ZNF616: variants seen among roughly 807,000 people sequenced by gnomAD.
ZNF616 encodes the protein zinc finger protein 616.
ZNF616 carries 5 observed loss-of-function variants against 7.6 expected under a neutral mutation model. The ratio of observed to expected loss-of-function variants is 0.66; its 90% CI spans 0.34 to 1.38. ZNF616 has a LOEUF of 1.38. ZNF616 is among the 40% of genes most tolerant of loss of function. ZNF616 has a pLI of 0.04. For synonymous variants in ZNF616, 319 were observed against 317.2 expected (o/e 1.01, Z -0.06); for missense variants, 913 against 948.3 (o/e 0.96, Z 0.49).
intron 1 of ZNF616, among the ~76,000 whole-genome samples, chr19:52,137,873 G>C (rs538860728): frequency 6.6e-6 from 1 of 152,254 alleles, no homozygotes; most frequent in South Asian, 2.1e-4. Flanking sequence ...AGAAGAAACT[G>C]AATAAACTAA....
At chr19:52,138,167 CA>C (rs915201528) in intron 1 of ZNF616, among the ~76,000 whole-genome samples, 1 of 152,104 alleles carries the variant, frequency 6.6e-6, no homozygotes. Context: ...AACAAAAAAC[CA>C]AAGATACATC....
chr19:52,130,996 C>CAT, intron 1 of ZNF616, among the ~76,000 whole-genome samples: 1 of 152,254 alleles, frequency 6.6e-6, no homozygotes. Context: ...GGGCTGGGAG[C>CAT]GGTGGCTCAT....
intron 1 of ZNF616, among the ~76,000 whole-genome samples, chr19:52,133,423 T>A (rs557502272): frequency 6.6e-6 from 1 of 152,288 alleles, no homozygotes; most frequent in South Asian, 2.1e-4. Flanking sequence ...TTTTAACTTA[T>A]ATTTTAAGTT....
In ZNF616 at chr19:52,116,743, T is replaced by C; in HGVS notation, c.421A>G (p.Thr141Ala). The change falls in exon 4 of 4, where the codon ACA (threonine) becomes GCA (alanine). Residue 141 changes from threonine to alanine, a missense_variant. Transcript: ENST00000600228. ...GCCAGACGTGACTCAAAGTTTGATG[T>C]AAGCTGGTTTTCAATATGATTGTTT... ...VENNHIENQL[T>A]SNFESRLAEL... 1 of 1,614,194 alleles carries C rather than the reference T, an allele frequency of 6.2e-7. No individual in the cohort carries two copies. Among genetic ancestry groups the C allele is most frequent in the South Asian group, 1.1e-5 (1 of 91,086 alleles).
chr19:52,128,186 T>TA (rs777095751), intron 2 of ZNF616, among the ~76,000 whole-genome samples: 10,654 of 97,564 alleles, frequency 0.11, 542 homozygotes, highest in African/African-American at 0.18. Flanking sequence ...TCCCACCCAA[T>TA]AAAAAAAAAA....
At chr19:52,127,614 C>T (rs1283311096) in intron 2 of ZNF616, among the ~76,000 whole-genome samples, 1 of 152,104 alleles carries the variant, frequency 6.6e-6, no homozygotes, top group Non-Finnish European at 1.5e-5. Flanking sequence ...GCGAGCCAGG[C>T]CTTCCAAAGA....
intron 2 of ZNF616, among the ~76,000 whole-genome samples, chr19:52,128,673 C>A (rs181093762): frequency 4.4e-4 from 66 of 148,392 alleles, no homozygotes; most frequent in Middle Eastern, 3.5e-3. Flanking sequence ...ACCTGGGAGG[C>A]GGAGGCTGCA....
Position 52,114,879 on chromosome 19 carries a change from T to G in ZNF616, c.2285A>C (p.Lys762Thr). 1 of 1,612,316 alleles carries G rather than the reference T, an allele frequency of 6.2e-7. No homozygotes were observed. Among genetic ancestry groups the G allele is most frequent in the Non-Finnish European group, 8.5e-7 (1 of 1,179,030 alleles). Residue 762 changes from lysine (K) to threonine (T), a missense_variant, in exon 4 of 4, where the codon AAA becomes ACA. Physicochemically the swap from Lys to Thr is moderately conservative, Grantham distance 78 (BLOSUM62 -1). Coordinates refer to ENST00000600228, the MANE Select transcript of ZNF616 (RefSeq NM_178523.5). ...CTCTCCAGTATGTCTTATTCGATGT[T>G]TAGTGAGGCCTGAGCGACAAATAAA... ...KSFICRSGLT[K>T]HRIRHTGESL... is the part of the protein sequence containing the mutation.
intron 3 of ZNF616, among the ~76,000 whole-genome samples, 197 bp downstream of exon 3, chr19:52,123,726 C>G (rs1388201495): frequency 6.6e-6 from 1 of 152,194 alleles, no homozygotes; most frequent in African/African-American, 2.4e-5. Context: ...GGAACCACCA[C>G]TGATGTACAA....
rs2088884494 is a variant in ZNF616, at chr19:52,123,988, T to C, written c.74A>G (p.Glu25Gly). Residue 25 changes from glutamate (E) to glycine (G), a missense_variant, in exon 3 of 4, where the codon GAG (glutamate) becomes GGG (glycine). Transcript: ENST00000600228. ...EFSQEEWKCL[E>G]PVQKALYKDV... ...CTTGTACAAAGCTTTCTGCACAGGC[T>C]CCAGGCATTTCCACTCCTCCTGAGA... 1 of 1,613,882 alleles carries C rather than the reference T, an allele frequency of 6.2e-7. No homozygotes were observed. The highest frequency in any genetic ancestry group is 1.3e-5 in the African/African-American group (1 of 74,926).
At position 52,139,651 on chromosome 19, in the gene ZNF616, A is replaced by G. The variant is rs899781605; in HGVS notation, c.-77+81T>C. On this transcript the variant is annotated intron_variant, in intron 1 of 3. Transcript: ENST00000600228. The surrounding 1 kb of genome is among the most constrained non-coding windows in gnomAD (Gnocchi z 4.1). The stretch of plus-strand genomic sequence containing the variant: ...CCTGAATGGGGTTATCGACATGGTT[A>G]TCTACATGGCAGAAAGGCAGGGGGC... 8 of 152,262 alleles carry G rather than the reference A, an allele frequency of 5.3e-5. No individual in the cohort carries two copies. The highest frequency in any genetic ancestry group is 8.8e-5 in the Non-Finnish European group (6 of 68,100). 9.4% of individuals were successfully genotyped at this position (152,262 alleles called of 1,614,324 possible). A position where few individuals can be genotyped will look rare whatever the true frequency, so the allele number is the denominator to read the frequency against.
Position 52,115,519 on chromosome 19 carries a change from A to G in ZNF616, c.1645T>C (p.Tyr549His). The G allele has an allele frequency of 6.2e-7, 1 of 1,614,046 alleles. No homozygotes were observed. Among genetic ancestry groups the G allele is most frequent in the South Asian group, 1.1e-5 (1 of 91,068 alleles). Residue 549 changes from tyrosine to histidine, a missense_variant, in exon 4 of 4, where the codon TAC (tyrosine) becomes CAC (histidine). Transcript: ENST00000600228. Reference sequence around the variant, plus strand: ...ACCTTGCCACATTCTTTGCATTTGTAAGGCTTCTCTCCAGTATGAATTCTC... The same window carrying G: ...ACCTTGCCACATTCTTTGCATTTGTGAGGCTTCTCTCCAGTATGAATTCTC... ...HRRIHTGEKP[Y>H]KCKECGKVFS...
In ZNF616 at chr19:52,114,948, T is replaced by A; in HGVS notation, c.2216A>T (p.His739Leu). The A allele has an allele frequency of 1.2e-6, 2 of 1,614,172 alleles. No individual in the cohort carries two copies. Among genetic ancestry groups the A allele is most frequent in the Non-Finnish European group, 1.7e-6 (2 of 1,180,020 alleles). The change falls in exon 4 of 4, where the codon CAT (histidine) becomes CTT (leucine). Residue 739 changes from histidine to leucine, a missense_variant. Physicochemically the swap from His to Leu is moderately conservative, Grantham distance 99 (BLOSUM62 -3). Coordinates refer to ENST00000600228, the MANE Select transcript of ZNF616 (RefSeq NM_178523.5). ...LFSLSKHQRI[H>L]SGKKPYKCNE... The stretch of plus-strand genomic sequence containing the variant: ...ACATTTATAAGGTTTTTTGCCAGAA[T>A]GAATTCTTTGGTGTTTGCTGAGGGA...
Position 52,116,204 on chromosome 19 carries a change from A to G in ZNF616, c.960T>C (p.Thr320=), listed in dbSNP as rs1371283679. 6.2e-7 allele frequency: 1 copy of G among 1,614,184 alleles called. No homozygotes were observed. The highest frequency in any genetic ancestry group is 8.5e-7 in the Non-Finnish European group (1 of 1,180,034). The stretch of plus-strand genomic sequence containing the variant: ...CATTACATTTGAAGGGTCTCTCTCC[A>G]GTATGAACTGTCTGATGAAGTCTAA... ...VHLRLHQTVH[T]GERPFKCNEC... is the part of the protein sequence containing the mutation. The change falls in exon 4 of 4, where the codon ACT becomes ACC. Residue 320 remains threonine, a synonymous_variant. Transcript: ENST00000600228.
intron 1 of ZNF616, among the ~76,000 whole-genome samples, chr19:52,135,284 G>A (rs1189852998): frequency 6.6e-6 from 1 of 151,928 alleles, no homozygotes; most frequent in East Asian, 1.9e-4. Context: ...TACACACAAA[G>A]ATACCTGAGG....
chr19:52,116,736 T>C lies in ZNF616; in HGVS notation c.428A>G (p.Asn143Ser), dbSNP rs2122142288. ...CAGTTCAGCCAGACGTGACTCAAAGTTTGATGTAAGCTGGTTTTCAATATG... is the reference window on the plus strand; with the variant it reads ...CAGTTCAGCCAGACGTGACTCAAAGCTTGATGTAAGCTGGTTTTCAATATG... ...NNHIENQLTS[N>S]FESRLAELQK... The change falls in exon 4 of 4, where the codon AAC (asparagine) becomes AGC (serine). Residue 143 changes from asparagine to serine, a missense_variant. Transcript: ENST00000600228. 6.2e-7 allele frequency: 1 copy of C among 1,614,174 alleles called. No individual in the cohort carries two copies. Among genetic ancestry groups the C allele is most frequent in the Non-Finnish European group, 8.5e-7 (1 of 1,180,028 alleles).
chr19:52,114,954 C>A lies in ZNF616; in HGVS notation c.2210G>T (p.Arg737Ile), dbSNP rs1264486022. 2 of 1,614,144 alleles carry A rather than the reference C, an allele frequency of 1.2e-6. No homozygotes were observed. The highest frequency in any genetic ancestry group is 1.7e-6 in the Non-Finnish European group (2 of 1,180,014). The change falls in exon 4 of 4, where the codon AGA becomes ATA. Residue 737 changes from arginine to isoleucine, a missense_variant. By Grantham distance (97) the Arg-to-Ile change is moderately conservative. Coordinates refer to ENST00000600228, the MANE Select transcript of ZNF616 (RefSeq NM_178523.5). The stretch of plus-strand genomic sequence containing the variant: ...ATAAGGTTTTTTGCCAGAATGAATT[C>A]TTTGGTGTTTGCTGAGGGAAAACAA... ...GRLFSLSKHQRIHSGKKPYKC... is the reference protein window; with the variant it reads ...GRLFSLSKHQIIHSGKKPYKC...
chr19:52,134,146 A>G (rs1433627816), intron 1 of ZNF616, among the ~76,000 whole-genome samples: 1 of 152,190 alleles, frequency 6.6e-6, no homozygotes, highest in Non-Finnish European at 1.5e-5. Context: ...TAAACGCCAC[A>G]TTAGCAAACT....
intron 1 of ZNF616, 115 bp from the exon 2 acceptor site, chr19:52,130,703 G>A (rs2088951018): frequency 1.5e-6 from 1 of 686,208 alleles, no homozygotes; most frequent in Non-Finnish European, 2.4e-6. Flanking sequence ...ACTGCACCAG[G>A]GGGGATGCAA....
Sources: allele counts gnomAD v4.1 joint callset (sites outside exome capture counted in the v4.1 genomes callset), GRCh38; gene constraint gnomAD v4.1.1; non-coding constraint Gnocchi (gnomAD v3.1); transcripts MANE v1.5; gene names NCBI Gene and HGNC (gene_info 2026-07-23, HGNC 2026-07-21).